Variants in PCDH15 observed in about 807,000 individuals in gnomAD.
PCDH15 encodes the protein protocadherin-15.
In PCDH15, 129 loss-of-function variants were observed where a neutral mutation model predicts 178.5. That is an observed-to-expected ratio of 0.72 (90% CI 0.63 to 0.84). The LOEUF (loss-of-function observed/expected upper bound fraction) is 0.84, where lower values mean the gene tolerates loss of function less well. Ranked by LOEUF, PCDH15 falls within the 40% of genes least tolerant of loss-of-function variation. The pLI, the probability that PCDH15 is intolerant of heterozygous loss-of-function variation, is 0.00. For synonymous variants in PCDH15, 800 were observed against 732.0 expected (o/e 1.09, Z -1.50); for missense variants, 2,230 against 2,099.9 (o/e 1.06, Z -1.21).
chr10:55,147,126 G>A (rs1008604777), intron 2 of PCDH15, among the ~76,000 whole-genome samples: 23 of 151,078 alleles, frequency 1.5e-4, no homozygotes, highest in Admixed American at 6.0e-4. Flanking sequence ...AATGATTAAT[G>A]AAAGAAGATA....
chr10:55,021,465 T>C (rs1297410783), intron 2 of PCDH15, among the ~76,000 whole-genome samples: 4 of 152,330 alleles, frequency 2.6e-5, no homozygotes, highest in African/African-American at 9.6e-5. Flanking sequence ...AATTATAGGA[T>C]GTGTTCGGGT....
intron 1 of PCDH15, among the ~76,000 whole-genome samples, chr10:54,704,636 T>C (rs527884504): frequency 1.3e-5 from 2 of 152,174 alleles, no homozygotes; most frequent in South Asian, 4.1e-4. Context: ...GATACCATCT[T>C]ACATCAATCA....
intron 16 of PCDH15, among the ~76,000 whole-genome samples, chr10:54,080,822 C>A (rs991989050): frequency 2.6e-5 from 4 of 152,066 alleles, no homozygotes; most frequent in Non-Finnish European, 5.9e-5. Context: ...AAGTTTGGAC[C>A]AGCTTCCTAC....
chr10:54,943,699 A>T (rs1251539861), intron 2 of PCDH15, among the ~76,000 whole-genome samples: 2 of 151,938 alleles, frequency 1.3e-5, no homozygotes, highest in East Asian at 3.9e-4. Context: ...TACCAATGTC[A>T]TCCATCATTT....
At chr10:53,841,322 T>G (rs1478585509) in intron 28 of PCDH15, among the ~76,000 whole-genome samples, 1 of 152,100 alleles carries the variant, frequency 6.6e-6, no homozygotes, top group African/African-American at 2.4e-5. Context: ...TTACTATATA[T>G]GATAAATATT....
chr10:55,317,875 C>T (rs2441760), intron 1 of PCDH15, among the ~76,000 whole-genome samples: 112,742 of 152,046 alleles, frequency 0.74, 42,580 homozygotes, highest in African/African-American at 0.83. Flanking sequence ...TTCTAGATCA[C>T]GGAAAGCAAG....
At chr10:55,621,143 G>C (rs111306164) in intron 2 of PCDH15, among the ~76,000 whole-genome samples, 2 of 152,046 alleles carry the variant, frequency 1.3e-5, no homozygotes, top group East Asian at 3.9e-4. Context: ...TTGGAATCTA[G>C]GAGAATGTAC....
At chr10:54,928,555 C>G (rs1837687163) in intron 2 of PCDH15, among the ~76,000 whole-genome samples, 1 of 152,140 alleles carries the variant, frequency 6.6e-6, no homozygotes, top group Non-Finnish European at 1.5e-5. Context: ...TCCATTTTCT[C>G]CATCTCTTTC....
At chr10:55,374,343 T>C (rs1006091893) in intron 2 of PCDH15, among the ~76,000 whole-genome samples, 3 of 152,136 alleles carry the variant, frequency 2.0e-5, no homozygotes, top group Admixed American at 6.5e-5. Context: ...CATGGAGGAC[T>C]GACACCCACT....
intron 1 of PCDH15, among the ~76,000 whole-genome samples, chr10:54,796,282 G>GTATCTATCTATCTATCTATCTATC (rs57641746): frequency 1.7e-4 from 21 of 126,434 alleles, no homozygotes; most frequent in African/African-American, 5.8e-4. Context: ...ATGTATCTAT[G>GTATCTATCTATCTATCTATCTATC]TATCTATCTA....
chr10:54,290,260 A>G (rs989849685), intron 8 of PCDH15, among the ~76,000 whole-genome samples: 1 of 152,188 alleles, frequency 6.6e-6, no homozygotes, highest in Non-Finnish European at 1.5e-5. Flanking sequence ...TAAAGAAAAG[A>G]ATTTTCAACC....
intron 3 of PCDH15, among the ~76,000 whole-genome samples, chr10:54,877,938 CTTTTTTTTTTTTTTTTT>C (rs1203452904): frequency 1.7e-3 from 14 of 8,080 alleles, no homozygotes; most frequent in Admixed American, 3.5e-3. Context: ...CTCTCTCTCT[CTTTTTTTTTTTTTTTTT>C]TTTTTTTTTT....
chr10:54,692,294 A>G (rs1378615068), intron 1 of PCDH15, among the ~76,000 whole-genome samples: 1 of 152,204 alleles, frequency 6.6e-6, no homozygotes, highest in African/African-American at 2.4e-5. Flanking sequence ...AATGGTATGT[A>G]TACATAAGCA....
At chr10:55,623,751 A>C (rs1352281571) in intron 2 of PCDH15, among the ~76,000 whole-genome samples, 3 of 150,940 alleles carry the variant, frequency 2.0e-5, no homozygotes, top group Non-Finnish European at 4.4e-5. Flanking sequence ...ATTTTGAAAA[A>C]GGCAGTCTTT....
At chr10:53,933,053 G>C (rs1429940032) in intron 25 of PCDH15, among the ~76,000 whole-genome samples, 1 of 151,902 alleles carries the variant, frequency 6.6e-6, no homozygotes, top group Non-Finnish European at 1.5e-5. Flanking sequence ...AGCTTCCGGA[G>C]GTCTCCATAG....
chr10:54,026,464 G>C (rs1004773717), intron 18 of PCDH15, among the ~76,000 whole-genome samples: 1 of 152,090 alleles, frequency 6.6e-6, no homozygotes, highest in Non-Finnish European at 1.5e-5. Context: ...TAGAGTTTCA[G>C]AATTTTAAAT....
chr10:55,517,256 G>C (rs1841039136), intron 2 of PCDH15, among the ~76,000 whole-genome samples: 1 of 152,024 alleles, frequency 6.6e-6, no homozygotes, highest in African/African-American at 2.4e-5. Flanking sequence ...GTTTGTTGTT[G>C]TTTGCTTCTT....
chr10:54,882,520 T>G (rs1416303640), intron 3 of PCDH15, among the ~76,000 whole-genome samples: 2 of 152,068 alleles, frequency 1.3e-5, no homozygotes, highest in East Asian at 3.8e-4. Context: ...AAAGTAAATT[T>G]TATCACTCCT....
At chr10:55,052,084 G>A (rs1420050808) in intron 2 of PCDH15, among the ~76,000 whole-genome samples, 1 of 151,116 alleles carries the variant, frequency 6.6e-6, no homozygotes, top group East Asian at 2.0e-4. Context: ...CAAAATAATC[G>A]ATACGATTTT....
Sources: allele counts gnomAD v4.1 joint callset (sites outside exome capture counted in the v4.1 genomes callset), GRCh38; gene constraint gnomAD v4.1.1; transcripts MANE v1.5; gene names NCBI Gene and HGNC (gene_info 2026-07-23, HGNC 2026-07-21).